Variants in ATP13A4 observed in about 807,000 individuals in gnomAD.
ATP13A4 encodes probable cation-transporting ATPase 13A4.
A neutral mutation model predicts 142.5 loss-of-function variants in ATP13A4; 114 were observed. That is an observed-to-expected ratio of 0.80 (90% CI 0.69 to 0.93). The LOEUF is 0.93. Ranked by LOEUF, ATP13A4 falls within the 40% of genes least tolerant of loss-of-function variation. The pLI, the probability that ATP13A4 is intolerant of heterozygous loss-of-function variation, is 0.00. For synonymous variants in ATP13A4, 488 were observed against 514.8 expected (o/e 0.95, Z 0.70); for missense variants, 1,392 against 1,454.0 (o/e 0.96, Z 0.69).
At chr3:193,428,905 C>A (rs752757680) in intron 25 of ATP13A4, among the ~76,000 whole-genome samples, 1 of 151,772 alleles carries the variant, frequency 6.6e-6, no homozygotes, top group South Asian at 2.1e-4. Flanking sequence ...CAAACCTTCA[C>A]GTTGTGCACA....
chr3:193,551,770 T>C (rs952799580), intron 1 of ATP13A4, among the ~76,000 whole-genome samples: 2 of 152,220 alleles, frequency 1.3e-5, no homozygotes, highest in South Asian at 2.1e-4. Context: ...AGTTTCCTCC[T>C]CGAAGCCTTT....
intron 16 of ATP13A4, 54 bp from the exon 17 acceptor site, chr3:193,454,266 G>T: frequency 7.4e-7 from 1 of 1,343,108 alleles, no homozygotes; most frequent in South Asian, 1.2e-5. Flanking sequence ...AGGCAGTACT[G>T]GCAAAGAAAT....
chr3:193,499,009 C>A (rs1013706488), intron 3 of ATP13A4, among the ~76,000 whole-genome samples: 2 of 152,186 alleles, frequency 1.3e-5, no homozygotes, highest in South Asian at 4.1e-4. Context: ...AATCCCTTAG[C>A]TCTAAGGTCT....
At chr3:193,417,702 T>TAATAAATATTAG (rs1576939695) in intron 25 of ATP13A4, among the ~76,000 whole-genome samples, 15 of 137,756 alleles carry the variant, frequency 1.1e-4, no homozygotes, top group East Asian at 5.6e-4. Context: ...AAAAAAGAAA[T>TAATAAATATTAG]TGGCCAGGCG....
chr3:193,514,907 A>C, intron 1 of ATP13A4, 36 bp from the exon 2 acceptor site: 1 of 1,599,642 alleles, frequency 6.3e-7, no homozygotes, highest in Non-Finnish European at 8.6e-7. Flanking sequence ...AATATTGGTT[A>C]AGCACAATAA....
At chr3:193,578,127 C>A (rs1033548926) in intron 2 of ATP13A4, among the ~76,000 whole-genome samples, 4 of 151,958 alleles carry the variant, frequency 2.6e-5, no homozygotes, top group African/African-American at 9.7e-5. Context: ...AACCCTGTAT[C>A]TACTAAAAAT....
intron 2 of ATP13A4, among the ~76,000 whole-genome samples, chr3:193,574,701 G>C (rs1724357129): frequency 6.6e-6 from 1 of 152,164 alleles, no homozygotes; most frequent in African/African-American, 2.4e-5. Context: ...GGGTGACAGA[G>C]TGAGACTCCA....
At position 193,502,400 on chromosome 3, in the gene ATP13A4, A is replaced by G. The variant is rs971454486; in HGVS notation, c.381+93T>C. 9 of 1,418,736 alleles carry G rather than the reference A, an allele frequency of 6.3e-6. No homozygotes were observed. The African/African-American group carries it at 1.1e-4, about 18-fold the overall frequency. The allele number at this position is 1,418,736 out of a possible 1,614,324, so 87.9% of individuals were successfully genotyped here. A position where few individuals can be genotyped will look rare whatever the true frequency, so the allele number is the denominator to read the frequency against. ...TTTAAATATACACTATCAAATGAGG[A>G]TTGGCACAGTAGAGGAGCTACATTT... On this transcript the variant is annotated intron_variant, in intron 3 of 29. Coordinates refer to ENST00000342695, the MANE Select transcript of ATP13A4 (RefSeq NM_032279.4).
chr3:193,572,333 T>C lies in ATP13A4; in HGVS notation n.291+9374A>G, dbSNP rs190059088. ...AATTTTTCTGTAACTCTAAAACTATTGTAATATAAAAAGTTCAGGTTTTAA... is the reference window on the plus strand; with the variant it reads ...AATTTTTCTGTAACTCTAAAACTATCGTAATATAAAAAGTTCAGGTTTTAA... On this transcript the variant is annotated intron_variant and non_coding_transcript_variant, in intron 2 of 3. Coordinates refer to the ATP13A4 transcript ENST00000489140. Among the ~76,000 whole-genome samples the C allele has an allele frequency of 3.0e-4, 45 of 152,344 alleles. No individual in the cohort carries two copies. The East Asian group carries it at 8.3e-3, about 28-fold the overall frequency.
intron 2 of ATP13A4, among the ~76,000 whole-genome samples, chr3:193,507,673 G>A (rs920846870): frequency 6.6e-6 from 1 of 152,180 alleles, no homozygotes; most frequent in Non-Finnish European, 1.5e-5. Context: ...CATTTTTGTA[G>A]CTGTTTTCTG....
At chr3:193,453,407 G>A (rs1368620559) in intron 17 of ATP13A4, among the ~76,000 whole-genome samples, 1 of 152,026 alleles carries the variant, frequency 6.6e-6, no homozygotes, top group Admixed American at 6.6e-5. Flanking sequence ...AGCAGTGGTG[G>A]CTGACATTAA....
chr3:193,429,630 T>TG (rs1210098056), intron 25 of ATP13A4, among the ~76,000 whole-genome samples: 5 of 151,844 alleles, frequency 3.3e-5, no homozygotes, highest in African/African-American at 1.2e-4. Context: ...GGAGAAAGGA[T>TG]GGGGAGTTAT....
rs890781923 is a variant in ATP13A4 at position 193,423,205 on chromosome 3, G to C, written c.2843-8455C>G. On this transcript the variant is annotated intron_variant, in intron 25 of 29. Coordinates refer to ENST00000342695, the MANE Select transcript of ATP13A4 (RefSeq NM_032279.4). ...TGAACAGACCAATAATTAGTAACAG[G>C]ATTTAATTAGTAATAAAACTTTTCC... Among the ~76,000 whole-genome samples the C allele has an allele frequency of 7.4e-5, 11 of 149,390 alleles. 1 individual carries two copies. The highest frequency in any genetic ancestry group is 2.7e-4 in the African/African-American group (11 of 40,698).
In ATP13A4 at chr3:193,416,762, G is replaced by A. The variant is rs1191089597; in HGVS notation, c.2843-2012C>T. 2.0e-5 allele frequency among the ~76,000 whole-genome samples: 3 copies of A among 152,136 alleles called. No homozygotes were observed. The East Asian group carries it at 5.8e-4, about 29-fold the overall frequency. On this transcript the variant is annotated intron_variant, in intron 25 of 29. Coordinates refer to ENST00000342695, the MANE Select transcript of ATP13A4 (RefSeq NM_032279.4). ...ACAAGCAGACCAACATGTACGTTGT[G>A]GGAGTATCGGAAGGAGAGAAGAGAA...
chr3:193,449,917 C>T (rs765843717), intron 17 of ATP13A4, among the ~76,000 whole-genome samples: 2 of 151,832 alleles, frequency 1.3e-5, no homozygotes, highest in African/African-American at 4.8e-5. Flanking sequence ...GTCGGGAGTT[C>T]GAGACGAGCC....
intron 6 of ATP13A4, 83 bp downstream of exon 6, chr3:193,491,246 C>G: frequency 1.0e-6 from 1 of 1,003,110 alleles, no homozygotes. Flanking sequence ...TACTTATTAA[C>G]AATTAGCACT....
chr3:193,532,013 T>A (rs1469533230), intron 1 of ATP13A4, among the ~76,000 whole-genome samples: 2 of 152,174 alleles, frequency 1.3e-5, no homozygotes, highest in Non-Finnish European at 2.9e-5. Context: ...TATACTGATG[T>A]GCCTAAAGGT....
At chr3:193,403,764 G>T (rs1560165492) in intron 29 of ATP13A4, 1 of 984,776 alleles carries the variant, frequency 1.0e-6, no homozygotes, top group East Asian at 1.1e-4. Flanking sequence ...TATCATGTTT[G>T]CTCACAAAGA....
chr3:193,477,861 A>T (rs1242485993), intron 8 of ATP13A4, among the ~76,000 whole-genome samples: 1 of 152,046 alleles, frequency 6.6e-6, no homozygotes, highest in Non-Finnish European at 1.5e-5. Flanking sequence ...CAAACTACTG[A>T]TCAGCATGTT....
Sources: gnomAD v4.1 joint callset for allele counts (sites outside exome capture counted in the v4.1 genomes callset) on GRCh38, gnomAD v4.1.1 for gene constraint, MANE v1.5 for transcripts, NCBI Gene and HGNC (gene_info 2026-07-23, HGNC 2026-07-21) for gene names.